USP5: variants seen among roughly 807,000 people sequenced by gnomAD.
USP5 encodes the protein ubiquitin carboxyl-terminal hydrolase 5.
A neutral mutation model predicts 102.5 loss-of-function variants in USP5; 24 were observed. The observed-to-expected ratio is 0.23, with a 90% CI of 0.17 to 0.33. The LOEUF (loss-of-function observed/expected upper bound fraction) is 0.33, where lower values mean the gene tolerates loss of function less well. USP5 is among the 10% of genes least tolerant of loss of function. The pLI, the probability that USP5 is intolerant of heterozygous loss-of-function variation, is 1.00. For missense variants in USP5, 753 were observed against 1,122.1 expected, an observed-to-expected ratio of 0.67 and a Z score of 4.70; for synonymous variants, 460 against 434.8, an observed-to-expected ratio of 1.06 and a Z score of -0.72.
At chr12:6,854,812 G>C (rs1296934069) in intron 1 of USP5, among the ~76,000 whole-genome samples, 1 of 151,790 alleles carries the variant, frequency 6.6e-6, no homozygotes, top group Non-Finnish European at 1.5e-5. Flanking sequence ...TGGCACACTC[G>C]GGTCAGATAT....
rs1944121294 is a variant in USP5 at position 6,856,607 on chromosome 12, G to GAC, written c.585-99_585-98insCA. The GAC allele has an allele frequency of 1.3e-6, 2 of 1,562,038 alleles. No homozygotes were observed. The highest frequency in any genetic ancestry group is 2.7e-5 in the African/African-American group (2 of 73,894). ...GGGGATGGCCAGAGGAGAAGAGAGA[G>GAC]AGACCTTGGATTGGCGGGGGGCCTG... On this transcript the variant is annotated intron_variant, in intron 5 of 19. Transcript: ENST00000229268. This position sits in a 1 kb window ranked among gnomAD's most constrained non-coding sequence, Gnocchi z 5.6.
chr12:6,852,618 C>A (rs1293977200), intron 1 of USP5, among the ~76,000 whole-genome samples: 14 of 152,282 alleles, frequency 9.2e-5, no homozygotes, highest in Non-Finnish European at 5.9e-5. Context: ...TTGAGAAAAC[C>A]TGGCAGTCGG....
Position 6,860,098 on chromosome 12 carries a change from A to C in USP5, c.1131-53A>C. 8 of 1,593,084 alleles carry C rather than the reference A, an allele frequency of 5.0e-6. No individual in the cohort carries two copies. The South Asian group carries it at 9.0e-5, about 18-fold the overall frequency. ...ACGAGCAGGGGGTTGAGCTGGGGAC[A>C]CACAGGGTCGTTAGTTGACTGAAGT... is the stretch of plus-strand genomic sequence containing the variant. On this transcript the variant is annotated intron_variant, in intron 9 of 19. Transcript: ENST00000229268. This position sits in a 1 kb window ranked among gnomAD's most constrained non-coding sequence, Gnocchi z 5.5.
chr12:6,856,929 A>G lies in USP5; in HGVS notation c.769+38A>G. ...CTCCTCCAGCCACTCTCATGCTTAA[A>G]TATATTTCATTTGTTAGTAATTTCG... On this transcript the variant is annotated intron_variant, in intron 6 of 19. Coordinates refer to ENST00000229268, the MANE Select transcript of USP5 (RefSeq NM_001098536.2). The surrounding 1 kb of genome is among the most constrained non-coding windows in gnomAD (Gnocchi z 5.6). 1 of 1,596,790 alleles carries G rather than the reference A, an allele frequency of 6.3e-7. No homozygotes were observed. Among genetic ancestry groups the G allele is most frequent in the South Asian group, 1.1e-5 (1 of 90,346 alleles).
rs373712824 is a variant in USP5 at position 6,856,191 on chromosome 12, A to G, written c.438+41A>G. ...ATGCTACCCAAGATTCTAGAGCAAG[A>G]TGGGCCAGGGTAGTGGTGTCTTAGG... On this transcript the variant is annotated intron_variant, in intron 4 of 19. Transcript: ENST00000229268. This position sits in a 1 kb window ranked among gnomAD's most constrained non-coding sequence, Gnocchi z 5.6. 9.9e-6 allele frequency: 16 copies of G among 1,613,054 alleles called. No homozygotes were observed. In the African/African-American group the frequency reaches 2.0e-4, roughly 20 times the overall value.
In USP5 at chr12:6,855,305, T is replaced by C. The variant is rs1555127869; in HGVS notation, c.112-96T>C. ...GTGTTAGAGAACAGAACATTTCTTC[T>C]GGAACCCAGCAGTTTCTGACTCCAG... On this transcript the variant is annotated intron_variant, in intron 1 of 19. Coordinates refer to ENST00000229268, the MANE Select transcript of USP5 (RefSeq NM_001098536.2). This position sits in a 1 kb window ranked among gnomAD's most constrained non-coding sequence, Gnocchi z 4.6. 3.9e-6 allele frequency: 6 copies of C among 1,525,066 alleles called. No individual in the cohort carries two copies. The highest frequency in any genetic ancestry group is 4.4e-6 in the Non-Finnish European group (5 of 1,123,730). The allele number at this position is 1,525,066 out of a possible 1,614,324, so 94.5% of individuals were successfully genotyped here. A position where few individuals can be genotyped will look rare whatever the true frequency, so the allele number is the denominator to read the frequency against.
rs782222761 is a variant in USP5, at chr12:6,864,116, C to A, written c.2165C>A (p.Pro722His). 17 of 1,614,068 alleles carry A rather than the reference C, an allele frequency of 1.1e-5. No individual in the cohort carries two copies. The South Asian group carries it at 1.8e-4, about 17-fold the overall frequency. Residue 722 changes from proline to histidine, a missense_variant, in exon 17 of 20, where the codon CCC becomes CAC. Around this residue, in one of 3 missense-constraint regions of USP5, gnomAD observed 193 missense variants for 230.2 expected, o/e 0.84. Transcript: ENST00000229268. The surrounding 1 kb of genome is among the most constrained non-coding windows in gnomAD (Gnocchi z 4.8). Reference sequence around the variant, plus strand: ...GGCTCCACAAGCGCAGCAGCCGACCCCCCTCCTGAGGACTGTGTGACCACC... The same window carrying A: ...GGCTCCACAAGCGCAGCAGCCGACCACCCTCCTGAGGACTGTGTGACCACC... ...GPGSTSAAAD[P>H]PPEDCVTTIV...
chr12:6,853,401 C>T (rs1415513587), intron 1 of USP5, among the ~76,000 whole-genome samples: 1 of 152,238 alleles, frequency 6.6e-6, no homozygotes, highest in African/African-American at 2.4e-5. Flanking sequence ...GGGCCTCAGA[C>T]AATGTGCTGC....
chr12:6,866,248 C>T lies in USP5; in HGVS notation c.*171C>T. 1 of 621,532 alleles carries T rather than the reference C, an allele frequency of 1.6e-6. No individual in the cohort carries two copies. The allele number at this position is 621,532 out of a possible 1,614,324, so 38.5% of individuals were successfully genotyped here. On this transcript the variant is annotated 3_prime_UTR_variant, in exon 20 of 20. Transcript: ENST00000229268. The surrounding 1 kb of genome is among the most constrained non-coding windows in gnomAD (Gnocchi z 4.7). ...AGAATGGCTGGGCAGAGCAGAGGGG[C>T]AGCGATAGACTCTGGGGATGGAGCA...
At position 6,860,531 on chromosome 12, in the gene USP5, A is replaced by G. The variant is rs1369602337; in HGVS notation, c.1344+40A>G. The G allele has an allele frequency of 9.3e-6, 15 of 1,610,338 alleles. No individual in the cohort carries two copies. The highest frequency in any genetic ancestry group is 2.2e-5 in the East Asian group (1 of 44,882). On this transcript the variant is annotated intron_variant, in intron 11 of 19. Transcript: ENST00000229268. The surrounding 1 kb of genome is among the most constrained non-coding windows in gnomAD (Gnocchi z 5.5). The stretch of plus-strand genomic sequence containing the variant: ...GATGGCACACCCCCATCTTCCTGCA[A>G]TTTACTCGCTCTCCTTCCTGCCCAT...
Position 6,855,922 on chromosome 12 carries a change from G to A in USP5, c.305-95G>A. 1 of 1,606,160 alleles carries A rather than the reference G, an allele frequency of 6.2e-7. No homozygotes were observed. The highest frequency in any genetic ancestry group is 1.7e-4 in the Middle Eastern group (1 of 6,034). ...AGAGTGGGCCTGATTGATGGCCCTA[G>A]AACTCTGGATGGGGCAAGTGAGGTG... On this transcript the variant is annotated intron_variant, in intron 3 of 19. Coordinates refer to ENST00000229268, the MANE Select transcript of USP5 (RefSeq NM_001098536.2). The surrounding 1 kb of genome is among the most constrained non-coding windows in gnomAD (Gnocchi z 4.6).
At position 6,861,496 on chromosome 12, in the gene USP5, G is replaced by T. The variant is rs1944277022; in HGVS notation, c.1552G>T (p.Ala518Ser). ...GCGGCAAGCCGAAGAGGAGAAGATG[G>T]CACTGCCAGAACTGGTTCGGGCCCA... ...KKRQAEEEKMALPELVRAQVP... is the reference protein window; with the variant it reads ...KKRQAEEEKMSLPELVRAQVP... Residue 518 changes from alanine (A) to serine (S), a missense_variant, in exon 13 of 20, where the codon GCA becomes TCA. Around this residue, in one of 3 missense-constraint regions of USP5, gnomAD observed 527 missense variants for 816.5 expected, o/e 0.65. Coordinates refer to ENST00000229268, the MANE Select transcript of USP5 (RefSeq NM_001098536.2). The surrounding 1 kb of genome is among the most constrained non-coding windows in gnomAD (Gnocchi z 4.9). 3 of 1,598,190 alleles carry T rather than the reference G, an allele frequency of 1.9e-6. No homozygotes were observed. The highest frequency in any genetic ancestry group is 2.2e-5 in the South Asian group (2 of 90,468).
rs1555128759 is a variant in USP5 at position 6,858,240 on chromosome 12, G to T, written c.865-184G>T. On this transcript the variant is annotated intron_variant, in intron 7 of 19. Coordinates refer to ENST00000229268, the MANE Select transcript of USP5 (RefSeq NM_001098536.2). The surrounding 1 kb of genome is among the most constrained non-coding windows in gnomAD (Gnocchi z 4.2). Reference sequence around the variant, plus strand: ...GCCCTGATGACTAACGGGCCTCTGGGACAATTATGTGTGGCCTTCCAGAAC... The same window carrying T: ...GCCCTGATGACTAACGGGCCTCTGGTACAATTATGTGTGGCCTTCCAGAAC... 6.6e-6 allele frequency among the ~76,000 whole-genome samples: 1 copy of T among 152,130 alleles called. No homozygotes were observed. Among genetic ancestry groups the T allele is most frequent in the Non-Finnish European group, 1.5e-5 (1 of 68,012 alleles).
Position 6,860,425 on chromosome 12 carries a change from T to G in USP5, c.1278T>G (p.Pro426=). 1 of 1,614,190 alleles carries G rather than the reference T, an allele frequency of 6.2e-7. No homozygotes were observed. Among genetic ancestry groups the G allele is most frequent in the Non-Finnish European group, 8.5e-7 (1 of 1,180,038 alleles). Residue 426 remains proline (P), a synonymous_variant, in exon 11 of 20, where the codon CCT becomes CCG. Coordinates refer to ENST00000229268, the MANE Select transcript of USP5 (RefSeq NM_001098536.2). The surrounding 1 kb of genome is among the most constrained non-coding windows in gnomAD (Gnocchi z 5.5). The stretch of plus-strand genomic sequence containing the variant: ...AGGCCCTCATCGGCAAGGGCCACCC[T>G]GAATTCTCCACCAACCGGCAGCAGG... The part of the protein sequence containing the change: ...MFKALIGKGH[P]EFSTNRQQDA...
chr12:6,856,402 A>C lies in USP5; in HGVS notation c.536A>C (p.His179Pro), dbSNP rs1555128307. 6.8e-6 allele frequency: 11 copies of C among 1,613,924 alleles called. No homozygotes were observed. The highest frequency in any genetic ancestry group is 9.3e-6 in the Non-Finnish European group (11 of 1,179,948). Residue 179 changes from histidine (H) to proline (P), a missense_variant, in exon 5 of 20, where the codon CAT becomes CCT. By Grantham distance (77) the His-to-Pro change is moderately conservative. Transcript: ENST00000229268. This position sits in a 1 kb window ranked among gnomAD's most constrained non-coding sequence, Gnocchi z 5.6. The part of the protein sequence containing the change: ...WDGEVRQVSK[H>P]AFSLKQLDNP... The stretch of plus-strand genomic sequence containing the variant: ...GGGGAAGTACGGCAGGTGTCTAAGC[A>C]TGCCTTCAGCCTCAAGCAGTTGGAC...
Position 6,856,576 on chromosome 12 carries a change from C to A in USP5, c.584+126C>A, listed in dbSNP as rs2238114. The A allele has an allele frequency of 0.34, 517,646 of 1,542,150 alleles. 96,648 individuals are homozygous for A. The highest frequency in any genetic ancestry group is 0.78 in the African/African-American group (56,929 of 73,226). On this transcript the variant is annotated intron_variant, in intron 5 of 19. Transcript: ENST00000229268. The surrounding 1 kb of genome is among the most constrained non-coding windows in gnomAD (Gnocchi z 5.6). The stretch of plus-strand genomic sequence containing the variant: ...AGGAAGGGAAGCTTGGAAATGAACA[C>A]GACATGGGGATGGCCAGAGGAGAAG...
At position 6,860,140 on chromosome 12, in the gene USP5, T is replaced by C. The variant is rs145842344; in HGVS notation, c.1131-11T>C. 1.1e-5 allele frequency: 17 copies of C among 1,607,876 alleles called. No individual in the cohort carries two copies. In the African/African-American group the frequency reaches 2.0e-4, roughly 19 times the overall value. ...GACTGAAGTGAAATGTTTTCTTGGA[T>C]ATTAATGCAGGGCCAAGCTGGGCCA... On this transcript the variant is annotated splice_polypyrimidine_tract_variant and intron_variant, in intron 9 of 19. Transcript: ENST00000229268. This position sits in a 1 kb window ranked among gnomAD's most constrained non-coding sequence, Gnocchi z 5.5.
In USP5 at chr12:6,862,571, G is replaced by A. The variant is rs1555129809; in HGVS notation, c.1762+13G>A. ...CCCAAGAAACTGGGTATGGCTGCTGGAATGAGGGAGGTTACACAGAAAATG... is the reference window on the plus strand; with the variant it reads ...CCCAAGAAACTGGGTATGGCTGCTGAAATGAGGGAGGTTACACAGAAAATG... On this transcript the variant is annotated intron_variant, in intron 14 of 19. Coordinates refer to ENST00000229268, the MANE Select transcript of USP5 (RefSeq NM_001098536.2). 1.9e-6 allele frequency: 3 copies of A among 1,611,576 alleles called. No homozygotes were observed. Among genetic ancestry groups the A allele is most frequent in the Non-Finnish European group, 1.7e-6 (2 of 1,177,688 alleles).
In USP5 at chr12:6,863,023, C is replaced by A; in HGVS notation, c.1763-163C>A. 1 of 646,858 alleles carries A rather than the reference C, an allele frequency of 1.5e-6. No individual in the cohort carries two copies. The highest frequency in any genetic ancestry group is 2.5e-6 in the Non-Finnish European group (1 of 394,976). The allele number at this position is 646,858 out of a possible 1,614,324, so 40.1% of individuals were successfully genotyped here. On this transcript the variant is annotated intron_variant, in intron 14 of 19. Transcript: ENST00000229268. This position sits in a 1 kb window ranked among gnomAD's most constrained non-coding sequence, Gnocchi z 4.7. Reference sequence around the variant, plus strand: ...GCATCCTGGCCTCCCAACTCCCAGGCTTAGTATTATTTGTCTTATACTGGG... The same window carrying A: ...GCATCCTGGCCTCCCAACTCCCAGGATTAGTATTATTTGTCTTATACTGGG...
Sources: gnomAD v4.1 joint callset for allele counts (sites outside exome capture counted in the v4.1 genomes callset) on GRCh38, gnomAD v4.1.1 for gene constraint, gnomAD v4.1.1 regional missense constraint, Gnocchi (gnomAD v3.1) non-coding constraint, MANE v1.5 for transcripts, NCBI Gene and HGNC (gene_info 2026-07-23, HGNC 2026-07-21) for gene names.